The following PDE10A variants were observed in gnomAD, a reference collection of about 807,000 sequenced individuals.
The protein encoded by PDE10A is phosphodiesterase 10A.
Under a neutral mutation model 97.7 loss-of-function variants are expected in PDE10A, and 39 were observed. That is an observed-to-expected ratio of 0.40 (90% CI 0.31 to 0.52). The LOEUF is 0.52. Ranked by LOEUF, PDE10A falls within the 20% of genes least tolerant of loss-of-function variation. The pLI, the probability that PDE10A is intolerant of heterozygous loss-of-function variation, is 0.56. For missense variants in PDE10A, 731 were observed against 1,047.8 expected, an observed-to-expected ratio of 0.70 and a Z score of 4.17; for synonymous variants, 371 against 376.8, an observed-to-expected ratio of 0.98 and a Z score of 0.18.
At chr6:165,369,622 G>A (rs1410695146) in intron 18 of PDE10A, among the ~76,000 whole-genome samples, 5 of 144,330 alleles carry the variant, frequency 3.5e-5, no homozygotes, top group South Asian at 2.2e-4. Flanking sequence ...TGAAAGTGAT[G>A]GGGAGAATGG....
At position 165,490,540 on chromosome 6, in the gene PDE10A, A is replaced by G. The variant is rs148345690; in HGVS notation, c.995-8197T>C. The stretch of plus-strand genomic sequence containing the variant: ...CACAGGACCTATAAAACAACAACAC[A>G]ATGAAAAAAACCCAAGGTATTAAAT... On this transcript the variant is annotated intron_variant, in intron 2 of 21. Transcript: ENST00000539869. Among the ~76,000 whole-genome samples the G allele has an allele frequency of 1.6e-3, 244 of 152,304 alleles. 2 individuals carry two copies. Among genetic ancestry groups the G allele is most frequent in the African/African-American group, 5.7e-3 (237 of 41,570 alleles).
At chr6:165,849,930 T>C (rs1007077751) in intron 1 of PDE10A, among the ~76,000 whole-genome samples, 2 of 152,236 alleles carry the variant, frequency 1.3e-5, no homozygotes, top group Non-Finnish European at 2.9e-5. Flanking sequence ...GTACTTCCCT[T>C]TTAATCACAC....
At chr6:165,423,944 C>T (rs1788926002) in intron 10 of PDE10A, among the ~76,000 whole-genome samples, 1 of 152,088 alleles carries the variant, frequency 6.6e-6, no homozygotes, top group Middle Eastern at 3.2e-3. Context: ...AACCTCATTC[C>T]CCACTTGTTT....
chr6:165,719,349 C>A (rs1447843881), intron 1 of PDE10A, among the ~76,000 whole-genome samples: 1 of 152,098 alleles, frequency 6.6e-6, no homozygotes, highest in Non-Finnish European at 1.5e-5. Context: ...CCCAAGAGTG[C>A]CCAGAGAGGG....
intron 1 of PDE10A, among the ~76,000 whole-genome samples, chr6:165,867,532 C>A (rs1232475274): frequency 6.6e-6 from 1 of 152,018 alleles, no homozygotes; most frequent in African/African-American, 2.4e-5. Flanking sequence ...TATATGAAGC[C>A]ATTATTATTA....
intron 1 of PDE10A, among the ~76,000 whole-genome samples, chr6:165,965,993 T>C (rs1414111326): frequency 6.6e-6 from 1 of 152,272 alleles, no homozygotes; most frequent in Non-Finnish European, 1.5e-5. Flanking sequence ...ATTTAATACA[T>C]AGATTTAGGG....
chr6:165,814,193 C>T (rs1779350809), intron 1 of PDE10A, among the ~76,000 whole-genome samples: 1 of 152,148 alleles, frequency 6.6e-6, no homozygotes, highest in Non-Finnish European at 1.5e-5. Context: ...GACTGTGGAC[C>T]TGCAGGTGTG....
In PDE10A at chr6:165,333,049, C is replaced by T. The variant is rs1434224373; in HGVS notation, c.3144G>A (p.Gln1048=). ...CTCAATCTTCAGATGCAGCTGCCTTCTGAGCCACGGATGGGGATGAAATCC... is the reference window on the plus strand; with the variant it reads ...CTCAATCTTCAGATGCAGCTGCCTTTTGAGCCACGGATGGGGATGAAATCC... The part of the protein sequence containing the change: ...ATWISSPSVA[Q]KAAASED Residue 1048 remains glutamine (Q), a synonymous_variant, in exon 22 of 22, where the codon CAG becomes CAA. Transcript: ENST00000539869. The T allele has an allele frequency of 6.2e-7, 1 of 1,610,936 alleles. No individual in the cohort carries two copies. Among genetic ancestry groups the T allele is most frequent in the Admixed American group, 1.7e-5 (1 of 59,944 alleles).
At chr6:165,353,688 T>G (rs1320844081) in intron 18 of PDE10A, among the ~76,000 whole-genome samples, 2 of 152,142 alleles carry the variant, frequency 1.3e-5, no homozygotes, top group African/African-American at 4.8e-5. Context: ...GGCAATGGTA[T>G]GAGGACTGTA....
chr6:165,840,270 G>GGAT (rs1780225140), intron 1 of PDE10A, among the ~76,000 whole-genome samples: 1 of 151,880 alleles, frequency 6.6e-6, no homozygotes, highest in Admixed American at 6.6e-5. Context: ...CCTCACACAG[G>GGAT]TACCTGCAAT....
chr6:165,536,832 C>T (rs778553404), intron 2 of PDE10A, among the ~76,000 whole-genome samples: 5 of 151,674 alleles, frequency 3.3e-5, no homozygotes, highest in African/African-American at 7.2e-5. Flanking sequence ...GGGGAATGCT[C>T]GTACGCTATT....
intron 1 of PDE10A, among the ~76,000 whole-genome samples, chr6:165,719,282 G>A (rs1792104344): frequency 1.3e-5 from 2 of 152,206 alleles, no homozygotes. Context: ...GATGGAAGGA[G>A]ACTGGCCCAA....
intron 1 of PDE10A, among the ~76,000 whole-genome samples, chr6:165,601,426 T>C (rs1786943161): frequency 6.6e-6 from 1 of 152,230 alleles, no homozygotes; most frequent in South Asian, 2.1e-4. Context: ...ATTTATTCAG[T>C]GCCTGCTGTG....
intron 1 of PDE10A, among the ~76,000 whole-genome samples, chr6:165,897,951 T>C (rs1240821429): frequency 6.6e-6 from 1 of 151,954 alleles, no homozygotes; most frequent in Non-Finnish European, 1.5e-5. Flanking sequence ...ACCTGCGGGC[T>C]CTACCACCAT....
At chr6:165,549,446 T>C in intron 1 of PDE10A, among the ~76,000 whole-genome samples, 1 of 152,082 alleles carries the variant, frequency 6.6e-6, no homozygotes, top group East Asian at 1.9e-4. Context: ...TGCCTCAGCC[T>C]CCCGATTAGC....
At chr6:165,433,778 G>C (rs1201889414) in intron 6 of PDE10A, among the ~76,000 whole-genome samples, 1 of 152,052 alleles carries the variant, frequency 6.6e-6, no homozygotes, top group East Asian at 1.9e-4. Flanking sequence ...CACTTTGGGA[G>C]GCCGAGGTGG....
At chr6:165,615,087 G>C (rs1322995043) in intron 1 of PDE10A, among the ~76,000 whole-genome samples, 2 of 151,688 alleles carry the variant, frequency 1.3e-5, no homozygotes, top group African/African-American at 2.4e-5. Context: ...GCGGGCAGCT[G>C]TAATTCTAGC....
At chr6:165,347,984 G>A (rs1782429433) in intron 18 of PDE10A, among the ~76,000 whole-genome samples, 1 of 152,140 alleles carries the variant, frequency 6.6e-6, no homozygotes, top group Non-Finnish European at 1.5e-5. Flanking sequence ...AATTGTTAAA[G>A]TGTTTAATAT....
chr6:165,400,208 A>G lies in PDE10A; in HGVS notation c.2077-3749T>C, dbSNP rs77991884. On this transcript the variant is annotated intron_variant, in intron 13 of 21. Transcript: ENST00000539869. Reference sequence around the variant, plus strand: ...TTTACTTAAAATGAATATAGACTTAACTATAGAACCTAAAACTATAAAACT... The same window carrying G: ...TTTACTTAAAATGAATATAGACTTAGCTATAGAACCTAAAACTATAAAACT... Among the ~76,000 whole-genome samples the G allele has an allele frequency of 5.9e-3, 893 of 152,268 alleles. 10 individuals carry two copies. Among genetic ancestry groups the G allele is most frequent in the African/African-American group, 0.02 (844 of 41,562 alleles).
Sources: gnomAD v4.1 joint callset for allele counts (sites outside exome capture counted in the v4.1 genomes callset) on GRCh38, gnomAD v4.1.1 for gene constraint, MANE v1.5 for transcripts, NCBI Gene and HGNC (gene_info 2026-07-23, HGNC 2026-07-21) for gene names.